The following GDI2 variants were observed in gnomAD, a reference collection of about 807,000 sequenced individuals.
The protein encoded by GDI2 is GDP dissociation inhibitor 2.
GDI2 carries 22 observed loss-of-function variants against 54.2 expected under a neutral mutation model. The observed-to-expected ratio is 0.41, with a 90% confidence interval of 0.29 to 0.58. The LOEUF (loss-of-function observed/expected upper bound fraction) is 0.58, where lower values mean the gene tolerates loss of function less well. GDI2 is among the 20% of genes least tolerant of loss of function. The pLI is 0.35. For synonymous variants in GDI2, 177 were observed against 182.1 expected, an observed-to-expected ratio of 0.97 and a Z score of 0.23; for missense variants, 422 against 546.0, an observed-to-expected ratio of 0.77 and a Z score of 2.26.
intron 1 of GDI2, among the ~76,000 whole-genome samples, chr10:5,804,168 A>G (rs537779941): frequency 1.8e-4 from 27 of 151,812 alleles, no homozygotes; most frequent in Non-Finnish European, 3.5e-4. Context: ...ATCTTGGCTC[A>G]ATGCAACCTT....
At chr10:5,781,428 C>A (rs1381133194) in intron 6 of GDI2, among the ~76,000 whole-genome samples, 1 of 149,938 alleles carries the variant, frequency 6.7e-6, no homozygotes, top group African/African-American at 2.5e-5. Context: ...CAGATCGACA[C>A]CATCCCGGCT....
chr10:5,804,831 G>T (rs1016589828), intron 1 of GDI2, among the ~76,000 whole-genome samples: 3 of 146,204 alleles, frequency 2.1e-5, no homozygotes, highest in African/African-American at 7.5e-5. Flanking sequence ...ACTATCTGGA[G>T]CTTTTTTTTT....
In GDI2 at chr10:5,805,136, T is replaced by C. The variant is rs116459668; in HGVS notation, c.46-4431A>G. Among the ~76,000 whole-genome samples the C allele has an allele frequency of 4.9e-3, 742 of 152,048 alleles. 8 individuals carry two copies. The highest frequency in any genetic ancestry group is 0.017 in the African/African-American group (721 of 41,492). ...GGTGAGCCATGGCACCCGGCTACTA[T>C]CGGGAGCTTTTCAGAGTGTATGGCT... On this transcript the variant is annotated intron_variant, in intron 1 of 10. Transcript: ENST00000380191.
chr10:5,798,819 C>G (rs1350528718), intron 2 of GDI2, among the ~76,000 whole-genome samples: 1 of 151,090 alleles, frequency 6.6e-6, no homozygotes, highest in Non-Finnish European at 1.5e-5. Flanking sequence ...ACTAAAAATA[C>G]AAAAAATTAG....
At chr10:5,781,127 G>C (rs2131693642) in intron 6 of GDI2, among the ~76,000 whole-genome samples, 1 of 151,566 alleles carries the variant, frequency 6.6e-6, no homozygotes, top group South Asian at 2.1e-4. Context: ...CCTAGAAAAG[G>C]AAGTCTTTCC....
chr10:5,783,316 C>A (rs1407871277), intron 6 of GDI2, among the ~76,000 whole-genome samples: 1 of 104,728 alleles, frequency 9.5e-6, no homozygotes, highest in African/African-American at 3.1e-5. Context: ...ATTTTTCCAC[C>A]CCTTTACCTT....
At position 5,785,391 on chromosome 10, in the gene GDI2, T is replaced by C. The variant is rs906070683; in HGVS notation, c.588-118A>G. On this transcript the variant is annotated intron_variant, in intron 5 of 10. Coordinates refer to ENST00000380191, the MANE Select transcript of GDI2 (RefSeq NM_001494.4). Reference sequence around the variant, plus strand: ...ATCTTCTTTTTTGTTTTTTTGTTTTTTGAGACAGGGTCTCACTCTGTCGCC... The same window carrying C: ...ATCTTCTTTTTTGTTTTTTTGTTTTCTGAGACAGGGTCTCACTCTGTCGCC... 21 of 768,128 alleles carry C rather than the reference T, an allele frequency of 2.7e-5. No homozygotes were observed. In the African/African-American group the frequency reaches 3.7e-4, roughly 14 times the overall value. The allele number at this position is 768,128 out of a possible 1,614,324, so 47.6% of individuals were successfully genotyped here. A position where few individuals can be genotyped will look rare whatever the true frequency, so the allele number is the denominator to read the frequency against.
At chr10:5,784,115 G>A (rs1412560501) in intron 6 of GDI2, among the ~76,000 whole-genome samples, 1 of 152,154 alleles carries the variant, frequency 6.6e-6, no homozygotes, top group East Asian at 1.9e-4. Flanking sequence ...ATTGGAGGCT[G>A]CGTTCATTTT....
chr10:5,794,334 G>A (rs1371686448), intron 4 of GDI2, among the ~76,000 whole-genome samples: 3 of 150,236 alleles, frequency 2.0e-5, no homozygotes, highest in East Asian at 1.9e-4. Flanking sequence ...CTGTTGGCAC[G>A]TTGGGTAATA....
intron 3 of GDI2, 112 bp downstream of exon 3, chr10:5,796,651 A>C (rs1841153411): frequency 1.5e-6 from 1 of 648,796 alleles, no homozygotes; most frequent in African/African-American, 1.8e-5. Flanking sequence ...ATGCTGTTTC[A>C]TTCAACAAAA....
intron 4 of GDI2, among the ~76,000 whole-genome samples, chr10:5,787,067 A>C (rs543054072): frequency 5.3e-5 from 8 of 151,536 alleles, no homozygotes; most frequent in Non-Finnish European, 1.2e-4. Flanking sequence ...TTCTCCCCCC[A>C]TTCCTAAGCT....
At chr10:5,780,311 T>C (rs1315045984) in intron 6 of GDI2, among the ~76,000 whole-genome samples, 4 of 141,548 alleles carry the variant, frequency 2.8e-5, no homozygotes, top group Non-Finnish European at 6.2e-5. Context: ...AAAAAAACTA[T>C]AGAAAACATA....
At chr10:5,798,646 A>C (rs1841200129) in intron 2 of GDI2, among the ~76,000 whole-genome samples, 1 of 152,076 alleles carries the variant, frequency 6.6e-6, no homozygotes, top group Non-Finnish European at 1.5e-5. Flanking sequence ...GAGAAAAAAA[A>C]GAAAAGAAAT....
intron 6 of GDI2, among the ~76,000 whole-genome samples, chr10:5,784,408 G>C (rs1840827459): frequency 6.6e-6 from 1 of 152,142 alleles, no homozygotes; most frequent in Non-Finnish European, 1.5e-5. Context: ...ATGACCTTGT[G>C]AATTCTTTTT....
chr10:5,806,512 T>TC (rs1261386357), intron 1 of GDI2, among the ~76,000 whole-genome samples: 4 of 152,184 alleles, frequency 2.6e-5, no homozygotes, highest in African/African-American at 9.6e-5. Context: ...ATGGGCTTTT[T>TC]CTCGCTGCTT....
At chr10:5,775,837 G>A (rs1840607016) in intron 6 of GDI2, among the ~76,000 whole-genome samples, 1 of 152,212 alleles carries the variant, frequency 6.6e-6, no homozygotes, top group Admixed American at 6.5e-5. Flanking sequence ...TGACGTCATG[G>A]CACCGTGCGT....
chr10:5,807,343 T>C (rs553913578), intron 1 of GDI2, among the ~76,000 whole-genome samples: 2 of 152,314 alleles, frequency 1.3e-5, no homozygotes, highest in Non-Finnish European at 2.9e-5. Flanking sequence ...GCAAAGCACA[T>C]TAAAGCCATA....
Position 5,785,352 on chromosome 10 carries a change from G to A in GDI2, c.588-79C>T, listed in dbSNP as rs535594497. ...TTCAATTTATAATTTTTTTTGAAGC[G>A]ATTTCAATCCGCTATCTTCTTTTTT... On this transcript the variant is annotated intron_variant, in intron 5 of 10. Coordinates refer to ENST00000380191, the MANE Select transcript of GDI2 (RefSeq NM_001494.4). The A allele has an allele frequency of 1.3e-4, 131 of 1,032,790 alleles. No homozygotes were observed. The African/African-American group carries it at 1.6e-3, about 13-fold the overall frequency. The allele number at this position is 1,032,790 out of a possible 1,614,324, so 64.0% of individuals were successfully genotyped here.
In GDI2 at chr10:5,766,076, C is replaced by T; in HGVS notation, c.1268G>A (p.Arg423Lys). 6.2e-7 allele frequency: 1 copy of T among 1,604,124 alleles called. No homozygotes were observed. Residue 423 changes from arginine to lysine, a missense_variant, in exon 11 of 11, where the codon AGG becomes AAG. Transcript: ENST00000380191. The surrounding 1 kb of genome is among the most constrained non-coding windows in gnomAD (Gnocchi z 5.8). ...AAAGTCAAACTCTGATCCTGTCATCCTCTTATAGATGTTTTTAATGTCATC... is the reference window on the plus strand; with the variant it reads ...AAAGTCAAACTCTGATCCTGTCATCTTCTTATAGATGTTTTTAATGTCATC... ...TCDDIKNIYK[R>K]MTGSEFDFEE...
Sources: allele counts gnomAD v4.1 joint callset (sites outside exome capture counted in the v4.1 genomes callset), GRCh38; gene constraint gnomAD v4.1.1; non-coding constraint Gnocchi (gnomAD v3.1); transcripts MANE v1.5; gene names NCBI Gene and HGNC (gene_info 2026-07-23, HGNC 2026-07-21).